NOTCH1: variants seen among roughly 807,000 people sequenced by gnomAD.
The protein encoded by NOTCH1 is neurogenic locus notch homolog protein 1.
Under a neutral mutation model 254.8 loss-of-function variants are expected in NOTCH1, and 37 were observed. That is an observed-to-expected ratio of 0.15 (90% CI 0.11 to 0.19). The LOEUF (loss-of-function observed/expected upper bound fraction) is 0.19, where lower values mean the gene tolerates loss of function less well. NOTCH1 is among the 10% of genes least tolerant of loss of function. NOTCH1 has a pLI of 1.00. For missense variants in NOTCH1, 2,972 were observed against 3,708.6 expected, an observed-to-expected ratio of 0.80 and a Z score of 5.16; for synonymous variants, 1,731 against 1,618.1, an observed-to-expected ratio of 1.07 and a Z score of -1.68.
Position 136,509,071 on chromosome 9 carries a change from G to A in NOTCH1, c.2970C>T (p.Ser990=). The A allele has an allele frequency of 1.3e-6, 2 of 1,555,654 alleles. No individual in the cohort carries two copies. Among genetic ancestry groups the A allele is most frequent in the East Asian group, 2.4e-5 (1 of 41,676 alleles). Residue 990 remains serine (S), a splice_region_variant and synonymous_variant, in exon 19 of 34, where the codon AGC becomes AGT. Coordinates refer to ENST00000651671, the MANE Select transcript of NOTCH1 (RefSeq NM_017617.5). ...CENNTPDCTE[S]SCFNGGTCVD... ...CGCAGGTGCCACCGTTGAAGCAGGAGCTGCAAGGGGGTGGGCAGGCGGGGG... is the reference window on the plus strand; with the variant it reads ...CGCAGGTGCCACCGTTGAAGCAGGAACTGCAAGGGGGTGGGCAGGCGGGGG...
At chr9:136,534,562 C>A (rs1194223111) in intron 2 of NOTCH1, among the ~76,000 whole-genome samples, 2 of 152,158 alleles carry the variant, frequency 1.3e-5, no homozygotes, top group Non-Finnish European at 2.9e-5. Flanking sequence ...ACCTGGTGCC[C>A]ACCAGACTGA....
chr9:136,544,452 C>T (rs553703335), intron 1 of NOTCH1, among the ~76,000 whole-genome samples: 1 of 152,258 alleles, frequency 6.6e-6, no homozygotes, highest in South Asian at 2.1e-4. Flanking sequence ...CAAAGCGTTG[C>T]CCCCCACCCT....
Position 136,496,915 on chromosome 9 carries a change from T to C in NOTCH1, c.6824A>G (p.His2275Arg). Residue 2275 changes from histidine to arginine, a missense_variant, in exon 34 of 34, where the codon CAC becomes CGC. His to Arg is a conservative substitution (Grantham distance 29). Around this residue, in one of 8 missense-constraint regions of NOTCH1, gnomAD observed 529 missense variants for 529.2 expected, o/e 1.00. Coordinates refer to ENST00000651671, the MANE Select transcript of NOTCH1 (RefSeq NM_017617.5). ...AFETGPPRLS[H>R]LPVASGTSTV... ...GCTGGTGCCAGAGGCCACAGGCAGG[T>C]GGGAGAGACGAGGTGGGCCAGTCTC... 6.2e-7 allele frequency: 1 copy of C among 1,612,380 alleles called. No individual in the cohort carries two copies. Among genetic ancestry groups the C allele is most frequent in the South Asian group, 1.1e-5 (1 of 91,068 alleles).
In NOTCH1 at chr9:136,545,687, G is replaced by A. The variant is rs1246489925; in HGVS notation, c.61+39C>T. On this transcript the variant is annotated intron_variant, in intron 1 of 33. Transcript: ENST00000651671. The surrounding 1 kb of genome is among the most constrained non-coding windows in gnomAD (Gnocchi z 6.8). ...CGGGCGCCGCCAAAGTTTCCAAAGG[G>A]CGCGGAAAGTGGGGGCTCGCGGGTG... The A allele has an allele frequency of 1.4e-6, 2 of 1,434,178 alleles. No homozygotes were observed. Among genetic ancestry groups the A allele is most frequent in the African/African-American group, 1.5e-5 (1 of 66,714 alleles). The allele number at this position is 1,434,178 out of a possible 1,614,324, so 88.8% of individuals were successfully genotyped here.
chr9:136,530,179 G>A (rs1423296208), intron 2 of NOTCH1, among the ~76,000 whole-genome samples: 7 of 152,240 alleles, frequency 4.6e-5, no homozygotes, highest in East Asian at 1.9e-4. Context: ...GGACCCAGCC[G>A]GGGTCTGAGC....
At position 136,496,609 on chromosome 9, in the gene NOTCH1, G is replaced by A. The variant is rs761839390; in HGVS notation, c.7130C>T (p.Pro2377Leu). Residue 2377 changes from proline to leucine, a missense_variant, in exon 34 of 34, where the codon CCT (proline) becomes CTT (leucine). Around this residue, in one of 8 missense-constraint regions of NOTCH1, gnomAD observed 529 missense variants for 529.2 expected, o/e 1.00. Coordinates refer to ENST00000651671, the MANE Select transcript of NOTCH1 (RefSeq NM_017617.5). The part of the protein sequence containing the change: ...GLPSTRLATQ[P>L]HLVQTQQVQP... ...CACCTGCTGGGTCTGCACCAGGTGA[G>A]GCTGGGTGGCCAGCCGGGTGCTGGG... 4.3e-5 allele frequency: 70 copies of A among 1,612,924 alleles called. No individual in the cohort carries two copies. The highest frequency in any genetic ancestry group is 5.7e-5 in the Non-Finnish European group (67 of 1,180,000).
chr9:136,513,544 G>C lies in NOTCH1; in HGVS notation c.2208-7C>G. The C allele has an allele frequency of 6.2e-7, 1 of 1,612,858 alleles. No homozygotes were observed. On this transcript the variant is annotated splice_polypyrimidine_tract_variant and splice_region_variant and intron_variant, in intron 13 of 33. Coordinates refer to ENST00000651671, the MANE Select transcript of NOTCH1 (RefSeq NM_017617.5). This position sits in a 1 kb window ranked among gnomAD's most constrained non-coding sequence, Gnocchi z 4.7. ...GTCACAGTCGCACTTGTACCTGCAA[G>C]GGGGACCACACTGCAGGTCGAGGGA...
At position 136,505,710 on chromosome 9, in the gene NOTCH1, G is replaced by T. The variant is rs1285968283; in HGVS notation, c.4186C>A (p.Pro1396Thr). ...PASSPCLGGN[P>T]CYNQGTCEPT... ...TCACAGGTCCCCTGGTTGTAGCAGG[G>T]GTTGCCGCCCAGGCAGGGGCTGCTG... Residue 1396 changes from proline to threonine, a missense_variant, in exon 25 of 34, where the codon CCC (proline) becomes ACC (threonine). Physicochemically the swap from Pro to Thr is conservative, Grantham distance 38. Around this residue, in one of 8 missense-constraint regions of NOTCH1, gnomAD observed 1,343 missense variants for 1,557.0 expected, o/e 0.86. Coordinates refer to ENST00000651671, the MANE Select transcript of NOTCH1 (RefSeq NM_017617.5). 1 of 1,602,480 alleles carries T rather than the reference G, an allele frequency of 6.2e-7. No homozygotes were observed. The highest frequency in any genetic ancestry group is 1.3e-5 in the African/African-American group (1 of 74,710).
chr9:136,517,898 G>C lies in NOTCH1; in HGVS notation c.1295C>G (p.Thr432Arg), dbSNP rs200562991. 1.9e-6 allele frequency: 3 copies of C among 1,612,216 alleles called. No individual in the cohort carries two copies. Among genetic ancestry groups the C allele is most frequent in the Non-Finnish European group, 2.5e-6 (3 of 1,179,904 alleles). ...PCEHAGKCIN[T>R]LGSFECQCLQ... ...ACACTGGCACTCGAAGGAGCCCAGC[G>C]TGTTGATGCACTTGCCCGCATGCTC... The change falls in exon 8 of 34, where the codon ACG becomes AGG. Residue 432 changes from threonine to arginine, a missense_variant. Physicochemically the swap from Thr to Arg is moderately conservative, Grantham distance 71. Around this residue, in one of 8 missense-constraint regions of NOTCH1, gnomAD observed 90 missense variants for 183.6 expected, o/e 0.49. Transcript: ENST00000651671.
At position 136,496,149 on chromosome 9, in the gene NOTCH1, G is replaced by A. The variant is rs371067732; in HGVS notation, c.7590C>T (p.Ser2530=). 4.0e-5 allele frequency: 65 copies of A among 1,609,886 alleles called. No individual in the cohort carries two copies. Among genetic ancestry groups the A allele is most frequent in the Non-Finnish European group, 5.3e-5 (62 of 1,179,452 alleles). The part of the protein sequence containing the change: ...WSSSSPHSNV[S]DWSEGVSSPP... ...GGCTGGAGACGCCCTCGGACCAGTC[G>A]GAGACGTTGGAATGCGGGGACGAGC... The change falls in exon 34 of 34, where the codon TCC becomes TCT. Residue 2530 remains serine (S), a synonymous_variant. Transcript: ENST00000651671.
Position 136,516,068 on chromosome 9 carries a change from C to T in NOTCH1, c.1582G>A (p.Asp528Asn), listed in dbSNP as rs757988142. The T allele has an allele frequency of 6.2e-6, 10 of 1,611,896 alleles. No individual in the cohort carries two copies. Among genetic ancestry groups the T allele is most frequent in the East Asian group, 2.2e-5 (1 of 44,886 alleles). ...GGGGTGCTGGCACACTCGTCCACAT[C>T]GTACTGGCACAGATGCCCAGTGAAG... ...TGFTGHLCQY[D>N]VDECASTPCK... Residue 528 changes from aspartate to asparagine, a missense_variant, in exon 10 of 34, where the codon GAT (aspartate) becomes AAT (asparagine). Physicochemically the swap from Asp to Asn is conservative, Grantham distance 23. Around this residue, in one of 8 missense-constraint regions of NOTCH1, gnomAD observed 128 missense variants for 193.8 expected, o/e 0.66. Transcript: ENST00000651671.
intron 12 of NOTCH1, 91 bp downstream of exon 12, chr9:136,515,199 C>T: frequency 7.9e-7 from 1 of 1,269,320 alleles, no homozygotes; most frequent in African/African-American, 1.5e-5. Context: ...CACCAAAGCC[C>T]TCACCCAACC....
intron 2 of NOTCH1, among the ~76,000 whole-genome samples, chr9:136,534,266 A>T (rs566590018): frequency 1.3e-5 from 2 of 152,348 alleles, no homozygotes; most frequent in Admixed American, 1.3e-4. Flanking sequence ...GAGTTTGTTC[A>T]GCAAATTGAC....
rs923297150 is a variant in NOTCH1 at position 136,519,426 on chromosome 9, G to C, written c.865+17C>G. 6.2e-7 allele frequency: 1 copy of C among 1,612,514 alleles called. No homozygotes were observed. The highest frequency in any genetic ancestry group is 1.3e-5 in the African/African-American group (1 of 75,062). The stretch of plus-strand genomic sequence containing the variant: ...CCCGCCCCGGCTACCCCGCCCTGCG[G>C]CGACCCGTATACGCGCCTGTCCACT... On this transcript the variant is annotated intron_variant, in intron 5 of 33. Coordinates refer to ENST00000651671, the MANE Select transcript of NOTCH1 (RefSeq NM_017617.5).
At chr9:136,520,105 C>T (rs1476202789) in intron 4 of NOTCH1, among the ~76,000 whole-genome samples, 1 of 152,170 alleles carries the variant, frequency 6.6e-6, no homozygotes, top group East Asian at 1.9e-4. Context: ...CCTCCACAGG[C>T]TGCCAGGGCC....
In NOTCH1 at chr9:136,509,895, C is replaced by G. The variant is rs1292928234; in HGVS notation, c.2807G>C (p.Gly936Ala). 1 of 1,613,244 alleles carries G rather than the reference C, an allele frequency of 6.2e-7. No homozygotes were observed. Among genetic ancestry groups the G allele is most frequent in the Non-Finnish European group, 8.5e-7 (1 of 1,180,022 alleles). The change falls in exon 18 of 34, where the codon GGC (glycine) becomes GCC (alanine). Residue 936 changes from glycine to alanine, a missense_variant. Coordinates refer to ENST00000651671, the MANE Select transcript of NOTCH1 (RefSeq NM_017617.5). The stretch of plus-strand genomic sequence containing the variant: ...CTCCTCACAGAAAGTGCCCCGGAAG[C>G]CGGGCAGGCAGTCGCAGAAGGCCGT... ...INTAFCDCLP[G>A]FRGTFCEEDI...
At chr9:136,531,718 G>A (rs911363978) in intron 2 of NOTCH1, among the ~76,000 whole-genome samples, 3 of 152,222 alleles carry the variant, frequency 2.0e-5, no homozygotes, top group East Asian at 1.9e-4. Flanking sequence ...CCACGCTGCC[G>A]GAGGAGCACT....
rs139772121 is a variant in NOTCH1, at chr9:136,504,653, G to A, written c.5018+20C>T. ...CAGGAGAGTTGCGGGGATTGACCGTGGGCGCCGGGTCTCACTCACCCGCGG... is the reference window on the plus strand; with the variant it reads ...CAGGAGAGTTGCGGGGATTGACCGTAGGCGCCGGGTCTCACTCACCCGCGG... On this transcript the variant is annotated intron_variant, in intron 26 of 33. Transcript: ENST00000651671. The A allele has an allele frequency of 5.2e-4, 770 of 1,491,038 alleles. 5 individuals carry two copies. In the African/African-American group the frequency reaches 9.4e-3, roughly 18 times the overall value. The allele number at this position is 1,491,038 out of a possible 1,614,324, so 92.4% of individuals were successfully genotyped here.
chr9:136,501,704 G>T, intron 30 of NOTCH1, 44 bp downstream of exon 30: 2 of 1,604,138 alleles, frequency 1.2e-6, no homozygotes, highest in Non-Finnish European at 1.7e-6. Flanking sequence ...AGAGAGGCAG[G>T]TGGGCCACGG....
Sources: gnomAD v4.1 joint callset for allele counts (sites outside exome capture counted in the v4.1 genomes callset) on GRCh38, gnomAD v4.1.1 for gene constraint, gnomAD v4.1.1 regional missense constraint, Gnocchi (gnomAD v3.1) non-coding constraint, MANE v1.5 for transcripts, NCBI Gene and HGNC (gene_info 2026-07-23, HGNC 2026-07-21) for gene names.